Variants in STOX2 observed in about 807,000 individuals in gnomAD.
STOX2 encodes the protein storkhead-box protein 2.
In STOX2, 28 loss-of-function variants were observed where a neutral mutation model predicts 60.9. That is an observed-to-expected ratio of 0.46 (90% CI 0.34 to 0.63). The LOEUF (loss-of-function observed/expected upper bound fraction) is 0.63. STOX2 is among the 30% of genes least tolerant of loss of function. The pLI is 0.01. For synonymous variants in STOX2, 472 were observed against 463.9 expected, an observed-to-expected ratio of 1.02 and a Z score of -0.22; for missense variants, 1,024 against 1,187.7, an observed-to-expected ratio of 0.86 and a Z score of 2.03.
chr4:183,959,945 T>G (rs1743364535), intron 1 of STOX2, among the ~76,000 whole-genome samples: 1 of 151,948 alleles, frequency 6.6e-6, no homozygotes. Context: ...TTTTAAAAGC[T>G]CCATTGGAAA....
In STOX2 at chr4:183,954,690, C is replaced by T. The variant is rs2111152210; in HGVS notation, c.167-46635C>T. ...ACACATCACACACACTACTGTCTAG[C>T]ATAATGAAAAATAACAATTGCCTGA... On this transcript the variant is annotated intron_variant, in intron 1 of 3. Transcript: ENST00000308497. Among the ~76,000 whole-genome samples, 3 of 152,268 alleles carry T rather than the reference C, an allele frequency of 2.0e-5. No individual in the cohort carries two copies. The Middle Eastern group carries it at 0.01, about 518-fold the overall frequency.
intron 1 of STOX2, among the ~76,000 whole-genome samples, chr4:183,890,668 A>AATCAG (rs1416290227): frequency 6.6e-6 from 1 of 152,158 alleles, no homozygotes; most frequent in Non-Finnish European, 1.5e-5. Context: ...CACAGAGTTG[A>AATCAG]ATCAGTCTAA....
At chr4:183,805,248 T>G (rs1738860654) in intron 1 of STOX2, among the ~76,000 whole-genome samples, 1 of 152,244 alleles carries the variant, frequency 6.6e-6, no homozygotes, top group Non-Finnish European at 1.5e-5. Flanking sequence ...GTTTGGAGAT[T>G]GTACTTGTAT....
chr4:183,849,402 A>G (rs1488249040), intron 1 of STOX2, among the ~76,000 whole-genome samples: 1 of 152,186 alleles, frequency 6.6e-6, no homozygotes, highest in Non-Finnish European at 1.5e-5. Context: ...AGCCTACTAC[A>G]TATGGATCAG....
At chr4:183,858,487 A>C (rs1391827056) in intron 1 of STOX2, among the ~76,000 whole-genome samples, 1 of 152,176 alleles carries the variant, frequency 6.6e-6, no homozygotes, top group African/African-American at 2.4e-5. Context: ...TCATTCGTGC[A>C]CTGTTTCGTA....
intron 1 of STOX2, among the ~76,000 whole-genome samples, chr4:183,985,052 A>G (rs1291161855): frequency 2.0e-5 from 3 of 152,094 alleles, no homozygotes; most frequent in East Asian, 1.9e-4. Flanking sequence ...CTGACCGTGT[A>G]TATTCTTTTC....
At chr4:183,831,980 C>T (rs1739578763) in intron 1 of STOX2, among the ~76,000 whole-genome samples, 2 of 148,274 alleles carry the variant, frequency 1.3e-5, no homozygotes, top group South Asian at 2.1e-4. Flanking sequence ...TTCATTTCTT[C>T]TTCTTCTTCT....
chr4:183,843,665 A>G (rs978227794), intron 1 of STOX2, among the ~76,000 whole-genome samples: 1 of 152,226 alleles, frequency 6.6e-6, no homozygotes, highest in Non-Finnish European at 1.5e-5. Context: ...TGGATTCCAT[A>G]TAATTTTCAC....
intron 1 of STOX2, among the ~76,000 whole-genome samples, chr4:183,849,612 T>G (rs1740067387): frequency 6.6e-6 from 1 of 152,206 alleles, no homozygotes; most frequent in East Asian, 1.9e-4. Context: ...TATGAGTACA[T>G]AGGGCATCTA....
intron 1 of STOX2, among the ~76,000 whole-genome samples, chr4:183,809,309 C>T (rs970849269): frequency 2.0e-5 from 3 of 152,144 alleles, no homozygotes; most frequent in Non-Finnish European, 4.4e-5. Context: ...AGGCTGGTCT[C>T]GAACTCTTCC....
Position 183,801,560 on chromosome 4 carries a change from T to C in STOX2, c.364+3505T>C, listed in dbSNP as rs542575998. On this transcript the variant is annotated intron_variant, in intron 1 of 2. Coordinates refer to the STOX2 transcript ENST00000513034. ...TGAACGAGAAGCAGTTACTTCTGTC[T>C]TGTGAGCTGGTAGGGGAGGTTTCCC... Among the ~76,000 whole-genome samples, 18 of 152,298 alleles carry C rather than the reference T, an allele frequency of 1.2e-4. No individual in the cohort carries two copies. The East Asian group carries it at 2.7e-3, about 23-fold the overall frequency.
At chr4:183,898,496 A>G (rs1741390881) in intron 1 of STOX2, among the ~76,000 whole-genome samples, 1 of 152,230 alleles carries the variant, frequency 6.6e-6, no homozygotes, top group Non-Finnish European at 1.5e-5. Flanking sequence ...GGAAGTAAGA[A>G]TTTGGAGATC....
At chr4:183,924,341 G>C (rs920530389) in intron 1 of STOX2, among the ~76,000 whole-genome samples, 15 of 152,130 alleles carry the variant, frequency 9.9e-5, no homozygotes, top group African/African-American at 3.1e-4. Context: ...GGCTGAGTAA[G>C]GGGGGCTGGA....
At chr4:184,002,066 A>C (rs1733615656) in intron 2 of STOX2, among the ~76,000 whole-genome samples, 2 of 152,262 alleles carry the variant, frequency 1.3e-5, no homozygotes, top group African/African-American at 4.8e-5. Context: ...TGCAGAATGC[A>C]GGACCCTCTT....
chr4:183,825,011 C>G lies in STOX2; in HGVS notation c.364+26956C>G, dbSNP rs1203733374. 6.6e-6 allele frequency among the ~76,000 whole-genome samples: 1 copy of G among 152,208 alleles called. No homozygotes were observed. Among genetic ancestry groups the G allele is most frequent in the Non-Finnish European group, 1.5e-5 (1 of 68,030 alleles). ...CTGCACAATTGGAATGTCCCCATGT[C>G]CCCTATCTCCTCACACAATCTTGGG... On this transcript the variant is annotated intron_variant, in intron 1 of 2. Coordinates refer to the STOX2 transcript ENST00000513034. This position sits in a 1 kb window ranked among gnomAD's most constrained non-coding sequence, Gnocchi z 4.1.
intron 1 of STOX2, among the ~76,000 whole-genome samples, chr4:183,799,554 A>AT (rs1738712825): frequency 6.6e-6 from 1 of 152,180 alleles, no homozygotes; most frequent in Non-Finnish European, 1.5e-5. Flanking sequence ...AAGTAGTATA[A>AT]CTCAAAAATA....
chr4:183,860,462 GAAA>G (rs1312707468), intron 1 of STOX2, among the ~76,000 whole-genome samples: 1 of 125,888 alleles, frequency 7.9e-6, no homozygotes, highest in Non-Finnish European at 1.8e-5. Flanking sequence ...AAAAAAAGAA[GAAA>G]AAGAAGAAAA....
intron 1 of STOX2, among the ~76,000 whole-genome samples, chr4:183,998,923 C>T (rs924302477): frequency 3.3e-5 from 5 of 151,978 alleles, no homozygotes; most frequent in Admixed American, 2.0e-4. Context: ...AAGAGGTGGC[C>T]GGACTGTAGT....
At chr4:183,819,390 C>A (rs577150017) in intron 1 of STOX2, among the ~76,000 whole-genome samples, 1 of 152,042 alleles carries the variant, frequency 6.6e-6, no homozygotes, top group Non-Finnish European at 1.5e-5. Context: ...CAAAAAAATA[C>A]GAAAACCAGT....
Sources: allele counts gnomAD v4.1 joint callset (sites outside exome capture counted in the v4.1 genomes callset), GRCh38; gene constraint gnomAD v4.1.1; non-coding constraint Gnocchi (gnomAD v3.1); transcripts MANE v1.5; gene names NCBI Gene and HGNC (gene_info 2026-07-23, HGNC 2026-07-21).